The following HDAC4 variants were observed in gnomAD, a reference collection of about 807,000 sequenced individuals.
HDAC4 encodes histone deacetylase A.
In HDAC4, 16 loss-of-function variants were observed where a neutral mutation model predicts 135.1. The ratio of observed to expected loss-of-function variants is 0.12; its 90% confidence interval spans 0.08 to 0.18. The LOEUF (loss-of-function observed/expected upper bound fraction) is 0.18, where lower values mean the gene tolerates loss of function less well. Among genes scored for constraint, HDAC4 ranks in the 10% least tolerant of loss-of-function variants. The probability of loss-of-function intolerance (pLI) is 1.00; values close to 1 mark genes in which losing one functional copy is unlikely to be tolerated. For synonymous variants in HDAC4, 685 were observed against 653.4 expected, an observed-to-expected ratio of 1.05 and a Z score of -0.74; for missense variants, 1,143 against 1,511.8, an observed-to-expected ratio of 0.76 and a Z score of 4.05.
At chr2:239,153,453 C>T (rs1374113677) in intron 7 of HDAC4, among the ~76,000 whole-genome samples, 4 of 152,256 alleles carry the variant, frequency 2.6e-5, no homozygotes, top group Admixed American at 2.0e-4. Context: ...CCAATTACTG[C>T]AGAAAAGCAC....
At chr2:239,362,497 A>C (rs1344689692) in intron 1 of HDAC4, among the ~76,000 whole-genome samples, 3 of 152,174 alleles carry the variant, frequency 2.0e-5, no homozygotes, top group African/African-American at 7.2e-5. Flanking sequence ...ACCACAAAGA[A>C]ATGTGACAGT....
At chr2:239,094,371 C>CT (rs1340349456) in intron 17 of HDAC4, 1 of 985,314 alleles carries the variant, frequency 1.0e-6, no homozygotes, top group Non-Finnish European at 1.2e-6. Context: ...CTGGAAAGTC[C>CT]TTGTGAACTT....
intron 1 of HDAC4, among the ~76,000 whole-genome samples, chr2:239,390,953 G>A (rs1369193130): frequency 2.6e-5 from 4 of 152,180 alleles, no homozygotes; most frequent in Non-Finnish European, 4.4e-5. Context: ...CTGGATTTAC[G>A]CACAGCCACA....
intron 3 of HDAC4, among the ~76,000 whole-genome samples, chr2:239,200,233 G>C (rs2045673249): frequency 6.6e-6 from 1 of 152,162 alleles, no homozygotes; most frequent in African/African-American, 2.4e-5. Context: ...CAGAGCTATG[G>C]AGAGCACCTC....
chr2:239,053,714 A>G (rs1337784725), intron 25 of HDAC4, 113 bp from the exon 26 acceptor site: 3 of 859,032 alleles, frequency 3.5e-6, no homozygotes, highest in Non-Finnish European at 5.5e-6. Flanking sequence ...ATCCCTTATG[A>G]TTTTAAAAGC....
rs556738090 is a variant in HDAC4 at position 239,306,925 on chromosome 2, G to A, written c.22+45753C>T. Among the ~76,000 whole-genome samples the A allele has an allele frequency of 3.3e-5, 5 of 151,980 alleles. No homozygotes were observed. Among genetic ancestry groups the A allele is most frequent in the African/African-American group, 1.2e-4 (5 of 41,470 alleles). On this transcript the variant is annotated intron_variant, in intron 2 of 26. Transcript: ENST00000543185. This position sits in a 1 kb window ranked among gnomAD's most constrained non-coding sequence, Gnocchi z 4.5. ...CAAGGAGGGCCTGAGCCTCCCGTGT[G>A]CACCTCCCCAAGGGCGCCTGCACCC...
At chr2:239,377,990 T>C (rs1695142443) in intron 1 of HDAC4, among the ~76,000 whole-genome samples, 1 of 152,138 alleles carries the variant, frequency 6.6e-6, no homozygotes, top group Non-Finnish European at 1.5e-5. Flanking sequence ...TGCCTGGTTT[T>C]CAAAAAGAAT....
intron 3 of HDAC4, among the ~76,000 whole-genome samples, chr2:239,205,918 C>T (rs1035161919): frequency 3.9e-5 from 6 of 152,252 alleles, no homozygotes; most frequent in Non-Finnish European, 7.4e-5. Flanking sequence ...CATGCAGTAA[C>T]GTTTCACCTT....
At chr2:239,294,537 G>T (rs2051733970) in intron 2 of HDAC4, among the ~76,000 whole-genome samples, 1 of 152,164 alleles carries the variant, frequency 6.6e-6, no homozygotes, top group Non-Finnish European at 1.5e-5. Flanking sequence ...TTAGACCTAG[G>T]CTTCTGAGTA....
rs1295878585 is a variant in HDAC4, at chr2:239,313,333, AAGGGGCTTTG to A, written c.22+39335_22+39344del. 6.6e-6 allele frequency among the ~76,000 whole-genome samples: 1 copy of A among 152,192 alleles called. No homozygotes were observed. Among genetic ancestry groups the A allele is most frequent in the African/African-American group, 2.4e-5 (1 of 41,452 alleles). ...TGCAGCAGCCAGGGACTAATTTTAG[AAGGGGCTTTG>A]AGGAGAAACCCAAGGGACACTCACT... On this transcript the variant is annotated intron_variant, in intron 2 of 26. Coordinates refer to ENST00000543185, the MANE Select transcript of HDAC4 (RefSeq NM_001378414.1). This position sits in a 1 kb window ranked among gnomAD's most constrained non-coding sequence, Gnocchi z 5.1.
chr2:239,093,092 C>T (rs573571012), intron 17 of HDAC4, among the ~76,000 whole-genome samples: 2 of 152,292 alleles, frequency 1.3e-5, no homozygotes, highest in South Asian at 2.1e-4. Flanking sequence ...CTCCGCTGGG[C>T]GAGGCCGAGC....
intron 3 of HDAC4, among the ~76,000 whole-genome samples, chr2:239,206,181 A>G (rs2046033683): frequency 6.6e-6 from 1 of 152,186 alleles, no homozygotes; most frequent in Non-Finnish European, 1.5e-5. Flanking sequence ...TACAAAAAAT[A>G]GCCAAGTGTG....
intron 21 of HDAC4, among the ~76,000 whole-genome samples, chr2:239,081,428 C>T (rs1169335521): frequency 2.0e-5 from 3 of 152,224 alleles, no homozygotes; most frequent in Non-Finnish European, 2.9e-5. Flanking sequence ...AGGCTCTCGC[C>T]GACCCTGCCC....
intron 1 of HDAC4, among the ~76,000 whole-genome samples, chr2:239,362,623 G>A (rs1033180185): frequency 3.3e-5 from 5 of 152,128 alleles, no homozygotes; most frequent in African/African-American, 1.2e-4. Flanking sequence ...GTGACGGAAC[G>A]GCCAGTGCTA....
chr2:239,388,703 G>A (rs1230642398), intron 1 of HDAC4, among the ~76,000 whole-genome samples: 1 of 152,194 alleles, frequency 6.6e-6, no homozygotes, highest in African/African-American at 2.4e-5. Flanking sequence ...CAGCCGCAGG[G>A]ACTCTGCCAC....
chr2:239,133,762 C>T (rs530004506), intron 11 of HDAC4, among the ~76,000 whole-genome samples: 9 of 152,322 alleles, frequency 5.9e-5, no homozygotes, highest in South Asian at 4.1e-4. Flanking sequence ...TCACCGTGTC[C>T]GGCCGGTGTG....
chr2:239,103,263 C>A (rs1157150101), intron 15 of HDAC4, among the ~76,000 whole-genome samples: 4 of 152,162 alleles, frequency 2.6e-5, no homozygotes, highest in Admixed American at 6.5e-5. Context: ...AGCTCCCTCA[C>A]GTTCAAGGGA....
intron 2 of HDAC4, among the ~76,000 whole-genome samples, chr2:239,237,693 A>G (rs1369864964): frequency 6.6e-6 from 1 of 151,956 alleles, no homozygotes; most frequent in Non-Finnish European, 1.5e-5. Flanking sequence ...GTCCCAGGAG[A>G]TTGGAGGGCA....
intron 9 of HDAC4, among the ~76,000 whole-genome samples, chr2:239,137,759 G>A (rs1276753907): frequency 1.3e-5 from 2 of 152,272 alleles, no homozygotes; most frequent in East Asian, 3.9e-4. Flanking sequence ...TCCAACTCTA[G>A]AGATACTGAA....
Sources: allele counts gnomAD v4.1 joint callset (sites outside exome capture counted in the v4.1 genomes callset), GRCh38; gene constraint gnomAD v4.1.1; non-coding constraint Gnocchi (gnomAD v3.1); transcripts MANE v1.5; gene names NCBI Gene and HGNC (gene_info 2026-07-23, HGNC 2026-07-21).